The following PRKCB variants were observed in gnomAD, a reference collection of about 807,000 sequenced individuals.
PRKCB encodes protein kinase C beta type.
In PRKCB, 13 loss-of-function variants were observed where a neutral mutation model predicts 81.5. The observed-to-expected ratio is 0.16, with a 90% CI of 0.10 to 0.25. The LOEUF (loss-of-function observed/expected upper bound fraction) is 0.25, where lower values mean the gene tolerates loss of function less well. Among genes scored for constraint, PRKCB ranks in the 10% least tolerant of loss-of-function variants. PRKCB has a pLI of 1.00. For synonymous variants in PRKCB, 335 were observed against 321.4 expected, an observed-to-expected ratio of 1.04 and a Z score of -0.45; for missense variants, 509 against 875.7, an observed-to-expected ratio of 0.58 and a Z score of 5.29.
At chr16:24,097,669 T>C (rs1017609316) in intron 7 of PRKCB, among the ~76,000 whole-genome samples, 1 of 152,132 alleles carries the variant, frequency 6.6e-6, no homozygotes, top group African/African-American at 2.4e-5. Context: ...GTGGATGGGG[T>C]ACAACTTGCT....
At position 24,111,359 on chromosome 16, in the gene PRKCB, G is replaced by C. The variant is rs187673948; in HGVS notation, c.822-1614G>C. On this transcript the variant is annotated intron_variant, in intron 7 of 16. Transcript: ENST00000643927. ...TGATCTTTGAGAGCGAGGAGTTTTG[G>C]GGTCTTTTTTCTTTCCCACTGATTC... 12 of 152,222 alleles carry C rather than the reference G, an allele frequency of 7.9e-5. No homozygotes were observed. In the East Asian group the frequency reaches 1.9e-3, roughly 24 times the overall value. 9.4% of individuals were successfully genotyped at this position (152,222 alleles called of 1,614,324 possible).
intron 9 of PRKCB, among the ~76,000 whole-genome samples, chr16:24,140,620 G>T (rs895286383): frequency 6.6e-6 from 1 of 152,098 alleles, no homozygotes; most frequent in East Asian, 1.9e-4. Flanking sequence ...GGGTGGGGTC[G>T]CAGGACTGGC....
intron 3 of PRKCB, among the ~76,000 whole-genome samples, chr16:23,989,537 T>C (rs1348541721): frequency 6.6e-6 from 1 of 152,248 alleles, no homozygotes; most frequent in African/African-American, 2.4e-5. Context: ...ATTATAAATG[T>C]ATTTTAATGT....
At chr16:23,905,667 C>T (rs1225801854) in intron 2 of PRKCB, among the ~76,000 whole-genome samples, 3 of 152,212 alleles carry the variant, frequency 2.0e-5, no homozygotes, top group South Asian at 4.1e-4. Flanking sequence ...ATTTTCCAAG[C>T]ATGTGCAACC....
chr16:24,066,897 T>C (rs1966042136), intron 5 of PRKCB, among the ~76,000 whole-genome samples: 1 of 152,230 alleles, frequency 6.6e-6, no homozygotes, highest in Non-Finnish European at 1.5e-5. Flanking sequence ...TCACCCAAGC[T>C]GGAGTGCAGT....
chr16:23,985,114 T>C (rs1264451438), intron 2 of PRKCB, among the ~76,000 whole-genome samples: 2 of 152,130 alleles, frequency 1.3e-5, no homozygotes, highest in Non-Finnish European at 2.9e-5. Context: ...TGTTTTGAGA[T>C]GGAGTCTCGC....
intron 5 of PRKCB, among the ~76,000 whole-genome samples, chr16:24,039,082 G>A (rs1270208508): frequency 2.0e-5 from 3 of 152,110 alleles, no homozygotes; most frequent in African/African-American, 7.2e-5. Flanking sequence ...AGATCATTCT[G>A]TCTCCACCAA....
Position 24,191,217 on chromosome 16 carries a change from A to T in PRKCB, c.1850A>T (p.Tyr617Phe), listed in dbSNP as rs371799088. 1 of 1,613,978 alleles carries T rather than the reference A, an allele frequency of 6.2e-7. No homozygotes were observed. Among genetic ancestry groups the T allele is most frequent in the African/African-American group, 1.3e-5 (1 of 74,938 alleles). ...GAACGCAAAGAGATCCAGCCCCCTTATAAGCCAAAAGCTGTAAGTAGCCCA... is the reference window on the plus strand; with the variant it reads ...GAACGCAAAGAGATCCAGCCCCCTTTTAAGCCAAAAGCTGTAAGTAGCCCA... ...KLERKEIQPP[Y>F]KPKACGRNAE... The change falls in exon 16 of 17, where the codon TAT (tyrosine) becomes TTT (phenylalanine). Residue 617 changes from tyrosine to phenylalanine, a missense_variant. Tyr to Phe is a conservative substitution (Grantham distance 22, BLOSUM62 3). Transcript: ENST00000643927.
chr16:24,157,701 C>G (rs1171525162), intron 10 of PRKCB, among the ~76,000 whole-genome samples: 3 of 148,542 alleles, frequency 2.0e-5, no homozygotes, highest in South Asian at 2.1e-4. Flanking sequence ...GCAGTCACCT[C>G]CATGCTAGTC....
chr16:23,859,885 A>AAGGG (rs59279623), intron 2 of PRKCB, among the ~76,000 whole-genome samples: 3 of 146,244 alleles, frequency 2.1e-5, no homozygotes, highest in African/African-American at 2.6e-5. Flanking sequence ...GAGAGAGAGA[A>AAGGG]AGAGAGAGAG....
At chr16:23,904,826 G>C (rs1423466511) in intron 2 of PRKCB, among the ~76,000 whole-genome samples, 1 of 152,078 alleles carries the variant, frequency 6.6e-6, no homozygotes, top group Non-Finnish European at 1.5e-5. Flanking sequence ...TTTCCTCTTT[G>C]AGTGGTAAAA....
chr16:23,949,987 G>A (rs1964254887), intron 2 of PRKCB, among the ~76,000 whole-genome samples: 1 of 152,024 alleles, frequency 6.6e-6, no homozygotes, highest in Non-Finnish European at 1.5e-5. Flanking sequence ...CCCTCACCTG[G>A]GCCCAGAGAC....
At chr16:23,871,227 G>A (rs1468130) in intron 2 of PRKCB, among the ~76,000 whole-genome samples, 82,941 of 152,054 alleles carry the variant, frequency 0.55, 22,930 homozygotes, top group East Asian at 0.62. Context: ...AGGGAGGAAT[G>A]AAGAGTGGTC....
intron 3 of PRKCB, among the ~76,000 whole-genome samples, chr16:24,027,151 C>G (rs1189802766): frequency 6.6e-6 from 1 of 152,136 alleles, no homozygotes; most frequent in Non-Finnish European, 1.5e-5. Flanking sequence ...CCTAGTCCCC[C>G]ACCCCCCGAC....
intron 2 of PRKCB, among the ~76,000 whole-genome samples, chr16:23,890,339 A>G (rs1461773715): frequency 6.6e-6 from 1 of 152,254 alleles, no homozygotes; most frequent in Non-Finnish European, 1.5e-5. Flanking sequence ...GTCTTTGGCC[A>G]GATCAAGTCT....
At chr16:23,841,372 G>A (rs1346684034) in intron 2 of PRKCB, among the ~76,000 whole-genome samples, 2 of 152,256 alleles carry the variant, frequency 1.3e-5, no homozygotes, top group East Asian at 3.9e-4. Context: ...GAGCTACAGT[G>A]CTGGCTGTTT....
chr16:24,188,320 C>G (rs1325133611), intron 15 of PRKCB, among the ~76,000 whole-genome samples: 1 of 152,182 alleles, frequency 6.6e-6, no homozygotes, highest in Non-Finnish European at 1.5e-5. Flanking sequence ...TCCTCTGGAA[C>G]AGCGAGCCCC....
At chr16:24,000,723 G>A (rs2141830113) in intron 3 of PRKCB, among the ~76,000 whole-genome samples, 1 of 152,272 alleles carries the variant, frequency 6.6e-6, no homozygotes, top group Non-Finnish European at 1.5e-5. Context: ...AATCAAGAAT[G>A]TACTGACAAT....
At chr16:24,041,822 A>G (rs1031498446) in intron 5 of PRKCB, among the ~76,000 whole-genome samples, 1 of 151,946 alleles carries the variant, frequency 6.6e-6, no homozygotes, top group Admixed American at 6.6e-5. Context: ...TGTCTCTACT[A>G]AAAATACAAA....
Sources: gnomAD v4.1 joint callset for allele counts (sites outside exome capture counted in the v4.1 genomes callset) on GRCh38, gnomAD v4.1.1 for gene constraint, MANE v1.5 for transcripts, NCBI Gene and HGNC (gene_info 2026-07-23, HGNC 2026-07-21) for gene names.